PTGFRN: variants seen among roughly 807,000 people sequenced by gnomAD.
PTGFRN encodes prostaglandin F2 receptor inhibitor.
A neutral mutation model predicts 83.2 loss-of-function variants in PTGFRN; 35 were observed. The ratio of observed to expected loss-of-function variants is 0.42; its 90% CI spans 0.32 to 0.56. The LOEUF (loss-of-function observed/expected upper bound fraction) is 0.56, where lower values mean the gene tolerates loss of function less well. PTGFRN is among the 20% of genes least tolerant of loss of function. The probability of loss-of-function intolerance (pLI) is 0.11; values close to 1 mark genes in which losing one functional copy is unlikely to be tolerated. For synonymous variants in PTGFRN, 519 were observed against 498.6 expected, an observed-to-expected ratio of 1.04 and a Z score of -0.55; for missense variants, 1,051 against 1,179.5, an observed-to-expected ratio of 0.89 and a Z score of 1.60.
At chr1:116,930,474 C>T (rs1649767637) in intron 1 of PTGFRN, among the ~76,000 whole-genome samples, 1 of 152,208 alleles carries the variant, frequency 6.6e-6, no homozygotes, top group Admixed American at 6.5e-5. Context: ...GCATGTGACT[C>T]CACATTGATG....
intron 4 of PTGFRN, among the ~76,000 whole-genome samples, chr1:116,959,978 AAAG>A (rs1374354049): frequency 5.3e-5 from 8 of 152,206 alleles, no homozygotes; most frequent in South Asian, 2.1e-4. Flanking sequence ...AAAAAAAACA[AAAG>A]AAGAAGAAGA....
In PTGFRN at chr1:116,961,395, G is replaced by A. The variant is rs759675389; in HGVS notation, c.1366G>A (p.Asp456Asn). ...SWYYRMNRRS[D>N]NVVTSELLAV... ...GTACTACAGGATGAACCGGCGCAGC[G>A]ACAATGTGGTGACCAGCGAGCTGCT... The change falls in exon 5 of 9, where the codon GAC becomes AAC. Residue 456 changes from aspartate (D) to asparagine (N), a missense_variant. Physicochemically the swap from Asp to Asn is conservative, Grantham distance 23. Transcript: ENST00000393203. The surrounding 1 kb of genome is among the most constrained non-coding windows in gnomAD (Gnocchi z 5.4). 4.3e-6 allele frequency: 7 copies of A among 1,613,180 alleles called. No individual in the cohort carries two copies. Among genetic ancestry groups the A allele is most frequent in the Middle Eastern group, 1.6e-4 (1 of 6,076 alleles).
At chr1:116,931,156 AGG>A (rs879411854) in intron 1 of PTGFRN, among the ~76,000 whole-genome samples, 3 of 152,228 alleles carry the variant, frequency 2.0e-5, no homozygotes, top group Non-Finnish European at 4.4e-5. Flanking sequence ...TCATGCTCGG[AGG>A]AAATGCTCGT....
At position 116,985,081 on chromosome 1, in the gene PTGFRN, T is replaced by C. The variant is rs1178989928; in HGVS notation, c.2473+96T>C. 1.9e-5 allele frequency: 25 copies of C among 1,292,452 alleles called. No homozygotes were observed. In the East Asian group the frequency reaches 4.2e-4, roughly 22 times the overall value. The allele number at this position is 1,292,452 out of a possible 1,614,324, so 80.1% of individuals were successfully genotyped here. A position where few individuals can be genotyped will look rare whatever the true frequency, so the allele number is the denominator to read the frequency against. On this transcript the variant is annotated intron_variant, in intron 8 of 8. Transcript: ENST00000393203. Reference sequence around the variant, plus strand: ...ACCCAGGTGGCCACAGTTTGAGGAATGTGCCATAGCACGTCCTGCTTTCTT... The same window carrying C: ...ACCCAGGTGGCCACAGTTTGAGGAACGTGCCATAGCACGTCCTGCTTTCTT...
intron 1 of PTGFRN, among the ~76,000 whole-genome samples, chr1:116,939,174 CCTT>C (rs753035580): frequency 9.2e-5 from 14 of 152,330 alleles, no homozygotes; most frequent in Non-Finnish European, 1.8e-4. Flanking sequence ...AGGATGGTGG[CCTT>C]CTTCTCACAG....
chr1:116,920,063 G>C (rs1162311116), intron 1 of PTGFRN, among the ~76,000 whole-genome samples: 1 of 152,216 alleles, frequency 6.6e-6, no homozygotes, highest in Non-Finnish European at 1.5e-5. Context: ...CATCTTCTGA[G>C]CACTCCTTAT....
intron 1 of PTGFRN, among the ~76,000 whole-genome samples, chr1:116,931,189 A>G (rs1270520909): frequency 1.3e-5 from 2 of 152,196 alleles, no homozygotes; most frequent in Non-Finnish European, 2.9e-5. Context: ...TGGATTTTGG[A>G]TTTTCAGATT....
At chr1:116,934,449 T>C (rs191151186) in intron 1 of PTGFRN, among the ~76,000 whole-genome samples, 1 of 152,206 alleles carries the variant, frequency 6.6e-6, no homozygotes, top group African/African-American at 2.4e-5. Flanking sequence ...GCCTGGCTGC[T>C]GACTTCTTCT....
intron 4 of PTGFRN, among the ~76,000 whole-genome samples, chr1:116,954,577 T>G (rs1324603597): frequency 6.6e-6 from 1 of 152,224 alleles, no homozygotes; most frequent in Admixed American, 6.5e-5. Context: ...ATGGTCCTAT[T>G]GTACACAGTT....
chr1:116,985,991 G>C (rs1257543583), intron 8 of PTGFRN, among the ~76,000 whole-genome samples: 3 of 152,230 alleles, frequency 2.0e-5, no homozygotes, highest in African/African-American at 7.2e-5. Flanking sequence ...CCGAGGATGA[G>C]TAAAAGCCTT....
intron 1 of PTGFRN, among the ~76,000 whole-genome samples, chr1:116,919,791 A>G (rs776673828): frequency 2.0e-5 from 3 of 152,390 alleles, no homozygotes; most frequent in Middle Eastern, 3.4e-3. Flanking sequence ...AAACACTGAA[A>G]GGAATTGATA....
At chr1:116,981,360 G>T (rs1418164447) in intron 7 of PTGFRN, among the ~76,000 whole-genome samples, 1 of 152,268 alleles carries the variant, frequency 6.6e-6, no homozygotes, top group East Asian at 1.9e-4. Context: ...ATGGCTGCCG[G>T]CAGAAATCTG....
At chr1:116,942,172 C>A (rs1650080499) in intron 2 of PTGFRN, 89 bp downstream of exon 2, 1 of 1,454,434 alleles carries the variant, frequency 6.9e-7, no homozygotes, top group Admixed American at 2.3e-5. Flanking sequence ...GACTTAATTT[C>A]TCTGAGGCTC....
At chr1:116,925,836 A>G (rs1484412738) in intron 1 of PTGFRN, among the ~76,000 whole-genome samples, 1 of 152,210 alleles carries the variant, frequency 6.6e-6, no homozygotes, top group Non-Finnish European at 1.5e-5. Context: ...GTGGTTCTGC[A>G]CACAGTAGGC....
At chr1:116,953,999 G>A (rs1042414060) in intron 4 of PTGFRN, among the ~76,000 whole-genome samples, 8 of 151,716 alleles carry the variant, frequency 5.3e-5, no homozygotes, top group African/African-American at 7.3e-5. Flanking sequence ...ACTACAGGGC[G>A]CCTGCCACCA....
chr1:116,915,361 G>T (rs1649379712), intron 1 of PTGFRN, among the ~76,000 whole-genome samples: 1 of 152,216 alleles, frequency 6.6e-6, no homozygotes, highest in African/African-American at 2.4e-5. Context: ...GGGCCGAAAT[G>T]CAACTGCCTC....
rs531713984 is a variant in PTGFRN at position 116,949,423 on chromosome 1, C to T, written c.1064C>T (p.Ser355Phe). 6.8e-6 allele frequency: 11 copies of T among 1,614,244 alleles called. No individual in the cohort carries two copies. Among genetic ancestry groups the T allele is most frequent in the South Asian group, 2.2e-5 (2 of 91,090 alleles). The change falls in exon 4 of 9, where the codon TCC becomes TTC. Residue 355 changes from serine to phenylalanine, a missense_variant. This residue lies in a region of PTGFRN where 719 missense variants were observed against 836.6 expected (regional missense o/e 0.86). Transcript: ENST00000393203. ...GCTTTGAGTCATGTGGATGCACGCT[C>T]CTACCATTTACTGGTTCGGGATGTT... The part of the protein sequence containing the change: ...HVALSHVDAR[S>F]YHLLVRDVSK...
rs1203416104 is a variant in PTGFRN at position 116,989,173 on chromosome 1, C to T, written c.*2206C>T. The T allele has an allele frequency of 6.6e-6, 1 of 152,180 alleles. No individual in the cohort carries two copies. Among genetic ancestry groups the T allele is most frequent in the African/African-American group, 2.4e-5 (1 of 41,434 alleles). The allele number at this position is 152,180 out of a possible 1,614,324, so 9.4% of individuals were successfully genotyped here. A position where few individuals can be genotyped will look rare whatever the true frequency, so the allele number is the denominator to read the frequency against. Reference sequence around the variant, plus strand: ...CATGGACTGAGTCACAGCAGACACTCGATGGTGGTAAATGTGATGGGTGCT... The same window carrying T: ...CATGGACTGAGTCACAGCAGACACTTGATGGTGGTAAATGTGATGGGTGCT... On this transcript the variant is annotated 3_prime_UTR_variant, in exon 9 of 9. Transcript: ENST00000393203.
chr1:116,925,890 GTAGT>G (rs1649645952), intron 1 of PTGFRN, among the ~76,000 whole-genome samples: 1 of 152,194 alleles, frequency 6.6e-6, no homozygotes, highest in Non-Finnish European at 1.5e-5. Context: ...GTATCAGACT[GTAGT>G]TAAAGTGTTC....
Sources: gnomAD v4.1 joint callset for allele counts (sites outside exome capture counted in the v4.1 genomes callset) on GRCh38, gnomAD v4.1.1 for gene constraint, gnomAD v4.1.1 regional missense constraint, Gnocchi (gnomAD v3.1) non-coding constraint, MANE v1.5 for transcripts, NCBI Gene and HGNC (gene_info 2026-07-23, HGNC 2026-07-21) for gene names.